SEMG2: variants seen among roughly 807,000 people sequenced by gnomAD.
SEMG2 encodes semenogelin-2.
A neutral mutation model predicts 8.1 loss-of-function variants in SEMG2; 3 were observed. The ratio of observed to expected loss-of-function variants is 0.37; its 90% CI spans 0.17 to 0.96. SEMG2 has a LOEUF of 0.96. Ranked by LOEUF, SEMG2 falls within the 40% of genes least tolerant of loss-of-function variation. The pLI, the probability that SEMG2 is intolerant of heterozygous loss-of-function variation, is 0.41. For synonymous variants in SEMG2, 252 were observed against 231.4 expected, an observed-to-expected ratio of 1.09 and a Z score of -0.81; for missense variants, 726 against 671.2, an observed-to-expected ratio of 1.08 and a Z score of -0.90.
At chr20:45,221,643 G>T (rs566323029) in intron 1 of SEMG2, 66 bp from the exon 2 acceptor site, 39 of 1,428,708 alleles carry the variant, frequency 2.7e-5, no homozygotes, top group Non-Finnish European at 3.4e-5. Flanking sequence ...GGAAAAGGTG[G>T]GAGGTAAGAG....
intron 1 of SEMG2, 81 bp downstream of exon 1, chr20:45,221,546 T>C (rs1171156693): frequency 2.6e-6 from 4 of 1,512,280 alleles, no homozygotes; most frequent in Non-Finnish European, 3.6e-6. Flanking sequence ...AACAGTAACC[T>C]GTTCAGGCAC....
In SEMG2 at chr20:45,222,376, T is replaced by A; in HGVS notation, c.744T>A (p.His248Gln). 6.2e-7 allele frequency: 1 copy of A among 1,614,118 alleles called. No individual in the cohort carries two copies. Residue 248 changes from histidine to glutamine, a missense_variant, in exon 2 of 3, where the codon CAT (histidine) becomes CAA (glutamine). Physicochemically the swap from His to Gln is conservative, Grantham distance 24 (BLOSUM62 0). Coordinates refer to ENST00000372769, the MANE Select transcript of SEMG2 (RefSeq NM_003008.3). Reference protein sequence around the residue: ...LHPAHQDRLQHGPKDIFTTQD... With the variant: ...LHPAHQDRLQQGPKDIFTTQD... ...CTGCACATCAAGACAGACTCCAACA[T>A]GGACCCAAAGACATTTTTACTACCC... is the stretch of plus-strand genomic sequence containing the variant.
At chr20:45,223,544 G>A (rs968164578) in intron 2 of SEMG2, 119 bp downstream of exon 2, 5 of 518,632 alleles carry the variant, frequency 9.6e-6, no homozygotes, top group African/African-American at 5.8e-5. Context: ...TATTACAAGT[G>A]GTGGGAAGAT....
In SEMG2 at chr20:45,223,324, C is replaced by A; in HGVS notation, c.1692C>A (p.Ala564=). The change falls in exon 2 of 3, where the codon GCC becomes GCA. Residue 564 remains alanine, a synonymous_variant. Transcript: ENST00000372769. The part of the protein sequence containing the change: ...HNIVITEHEV[A]QDDHLTQQYN... The stretch of plus-strand genomic sequence containing the variant: ...TTGTAATTACTGAGCATGAGGTTGC[C>A]CAAGATGATCATTTGACACAACAAT... 1 of 1,613,948 alleles carries A rather than the reference C, an allele frequency of 6.2e-7. No individual in the cohort carries two copies. Among genetic ancestry groups the A allele is most frequent in the Non-Finnish European group, 8.5e-7 (1 of 1,179,914 alleles).
intron 2 of SEMG2, among the ~76,000 whole-genome samples, chr20:45,223,802 A>T (rs6032059): frequency 0.15 from 22,474 of 152,210 alleles, 1,812 homozygotes; most frequent in Middle Eastern, 0.23. Context: ...TATAGTATGA[A>T]ATATTACAGC....
Position 45,222,539 on chromosome 20 carries a change from A to G in SEMG2, c.907A>G (p.Lys303Glu), listed in dbSNP as rs1984045448. The G allele has an allele frequency of 5.0e-6, 8 of 1,614,170 alleles. No individual in the cohort carries two copies. The highest frequency in any genetic ancestry group is 6.8e-6 in the Non-Finnish European group (8 of 1,180,020). Reference sequence around the variant, plus strand: ...AGAAAGACAACTTCACCATGGAGAAAAGAGTGTACAGAAAGATGTATCCAA... The same window carrying G: ...AGAAAGACAACTTCACCATGGAGAAGAGAGTGTACAGAAAGATGTATCCAA... ...TEERQLHHGE[K>E]SVQKDVSKGS... is the part of the protein sequence containing the mutation. Residue 303 changes from lysine (K) to glutamate (E), a missense_variant, in exon 2 of 3, where the codon AAG becomes GAG. Coordinates refer to ENST00000372769, the MANE Select transcript of SEMG2 (RefSeq NM_003008.3).
At position 45,221,603 on chromosome 20, in the gene SEMG2, T is replaced by G. The variant is rs570069144; in HGVS notation, c.77-106T>G. 67 of 1,394,216 alleles carry G rather than the reference T, an allele frequency of 4.8e-5. No individual in the cohort carries two copies. In the African/African-American group the frequency reaches 9.1e-4, roughly 19 times the overall value. 86.4% of individuals were successfully genotyped at this position (1,394,216 alleles called of 1,614,324 possible). Reference sequence around the variant, plus strand: ...ATTGATTTTTCTCCACCCAACGCTGTAGGCTTTTGGAAATATCAGAAATTT... The same window carrying G: ...ATTGATTTTTCTCCACCCAACGCTGGAGGCTTTTGGAAATATCAGAAATTT... On this transcript the variant is annotated intron_variant, in intron 1 of 2. Coordinates refer to ENST00000372769, the MANE Select transcript of SEMG2 (RefSeq NM_003008.3).
Position 45,222,741 on chromosome 20 carries a change from C to A in SEMG2, c.1109C>A (p.Ser370Tyr). Residue 370 changes from serine (S) to tyrosine (Y), a missense_variant, in exon 2 of 3, where the codon TCC becomes TAC. Ser to Tyr is a moderately radical substitution (Grantham distance 144, BLOSUM62 -2). Coordinates refer to ENST00000372769, the MANE Select transcript of SEMG2 (RefSeq NM_003008.3). ...CGEKGIQKGVSKGSISIQTEE... is the reference protein window; with the variant it reads ...CGEKGIQKGVYKGSISIQTEE... ...GAAAAGGGCATCCAGAAAGGTGTAT[C>A]CAAAGGCAGTATTTCGATCCAAACT... 6.2e-7 allele frequency: 1 copy of A among 1,613,638 alleles called. No homozygotes were observed.
At chr20:45,224,045 G>A (rs969495544) in intron 2 of SEMG2, among the ~76,000 whole-genome samples, 2 of 152,212 alleles carry the variant, frequency 1.3e-5, no homozygotes, top group Non-Finnish European at 2.9e-5. Flanking sequence ...GCAATGTCAG[G>A]AGAGGAAAAT....
Position 45,222,735 on chromosome 20 carries a change from G to A in SEMG2, c.1103G>A (p.Gly368Asp), listed in dbSNP as rs1984051378. The part of the protein sequence containing the change: ...LNCGEKGIQK[G>D]VSKGSISIQT... ...TGTGGAGAAAAGGGCATCCAGAAAG[G>A]TGTATCCAAAGGCAGTATTTCGATC... is the stretch of plus-strand genomic sequence containing the variant. Residue 368 changes from glycine to aspartate, a missense_variant, in exon 2 of 3, where the codon GGT becomes GAT. Transcript: ENST00000372769. The A allele has an allele frequency of 6.2e-7, 1 of 1,610,638 alleles. No homozygotes were observed. Among genetic ancestry groups the A allele is most frequent in the Non-Finnish European group, 8.5e-7 (1 of 1,178,942 alleles).
Position 45,223,061 on chromosome 20 carries a change from C to T in SEMG2, c.1429C>T (p.Arg477Ter), listed in dbSNP as rs546357756. The T allele has an allele frequency of 2.7e-5, 43 of 1,614,094 alleles. No homozygotes were observed. Among genetic ancestry groups the T allele is most frequent in the South Asian group, 9.9e-5 (9 of 91,076 alleles). ...SYQSSSTEER[R>*]LNYGGKSTQK... ...CCAATCTTCAAGTACAGAAGAAAGA[C>T]GACTCAACTATGGAGGAAAGAGCAC... The change falls in exon 2 of 3, where the codon CGA becomes TGA. Residue 477 changes from arginine (R) to a stop codon, truncating the protein, a stop_gained. Transcript: ENST00000372769. LOFTEE classifies it low-confidence loss of function (END_TRUNC).
chr20:45,223,602 C>T (rs6104069), intron 2 of SEMG2, among the ~76,000 whole-genome samples, 177 bp downstream of exon 2: 1 of 152,050 alleles, frequency 6.6e-6, no homozygotes, highest in East Asian at 1.9e-4. Flanking sequence ...GCAGGGAAGG[C>T]TGCTTGGACT....
Position 45,222,722 on chromosome 20 carries a change from G to T in SEMG2, c.1090G>T (p.Gly364Cys). The change falls in exon 2 of 3, where the codon GGC becomes TGC. Residue 364 changes from glycine to cysteine, a missense_variant. Transcript: ENST00000372769. ...AAGACATCTCAACTGTGGAGAAAAGGGCATCCAGAAAGGTGTATCCAAAGG... is the reference window on the plus strand; with the variant it reads ...AAGACATCTCAACTGTGGAGAAAAGTGCATCCAGAAAGGTGTATCCAAAGG... ...EERHLNCGEK[G>C]IQKGVSKGSI... 2 of 1,607,808 alleles carry T rather than the reference G, an allele frequency of 1.2e-6. No individual in the cohort carries two copies. The highest frequency in any genetic ancestry group is 1.7e-6 in the Non-Finnish European group (2 of 1,178,010).
At position 45,222,660 on chromosome 20, in the gene SEMG2, A is replaced by C. The variant is rs1406681567; in HGVS notation, c.1028A>C (p.Glu343Ala). ...CAAGATCAAGAGCATGGCCATAAGG[A>C]AAATAAAATATCATACCAATCTTCA... ...HSQDQEHGHK[E>A]NKISYQSSST... is the part of the protein sequence containing the mutation. Residue 343 changes from glutamate to alanine, a missense_variant, in exon 2 of 3, where the codon GAA becomes GCA. Physicochemically the swap from Glu to Ala is moderately radical, Grantham distance 107. Transcript: ENST00000372769. The C allele has an allele frequency of 8.7e-6, 14 of 1,613,784 alleles. No individual in the cohort carries two copies. Among genetic ancestry groups the C allele is most frequent in the Non-Finnish European group, 5.1e-6 (6 of 1,179,922 alleles).
rs41303937 is a variant in SEMG2 at position 45,221,431 on chromosome 20, C to T, written c.42C>T (p.Ile14=). 6.5e-3 allele frequency: 10,511 copies of T among 1,614,076 alleles called. 78 individuals are homozygous for T. The highest frequency in any genetic ancestry group is 6.3e-3 in the Non-Finnish European group (7,487 of 1,179,968). The change falls in exon 1 of 3, where the codon ATC becomes ATT. Residue 14 remains isoleucine (I), a synonymous_variant. Coordinates refer to ENST00000372769, the MANE Select transcript of SEMG2 (RefSeq NM_003008.3). ...TCTTTGTCCTTTCCCTGCTCCTTAT[C>T]TTGGAGAAGCAAGCAGCTGTGATGG... is the stretch of plus-strand genomic sequence containing the variant. ...IILFVLSLLL[I]LEKQAAVMGQ...
rs1244653183 is a variant in SEMG2, at chr20:45,222,651, G to A, written c.1019G>A (p.Gly340Asp). ...ATTCATAGTCAAGATCAAGAGCATG[G>A]CCATAAGGAAAATAAAATATCATAC... Reference protein sequence around the residue: ...VTIHSQDQEHGHKENKISYQS... With the variant: ...VTIHSQDQEHDHKENKISYQS... Residue 340 changes from glycine to aspartate, a missense_variant, in exon 2 of 3, where the codon GGC (glycine) becomes GAC (aspartate). Gly to Asp is a moderately conservative substitution (Grantham distance 94, BLOSUM62 -1). Coordinates refer to ENST00000372769, the MANE Select transcript of SEMG2 (RefSeq NM_003008.3). 1 of 1,613,794 alleles carries A rather than the reference G, an allele frequency of 6.2e-7. No individual in the cohort carries two copies. Among genetic ancestry groups the A allele is most frequent in the East Asian group, 2.2e-5 (1 of 44,858 alleles).
chr20:45,222,748 CAG>C lies in SEMG2; in HGVS notation c.1117_1118del (p.Ser373TyrfsTer6), dbSNP rs1337567253. On this transcript the variant is annotated frameshift_variant, in exon 2 of 3. Transcript: ENST00000372769. LOFTEE classifies it low-confidence loss of function (END_TRUNC). The stretch of plus-strand genomic sequence containing the variant: ...GCATCCAGAAAGGTGTATCCAAAGG[CAG>C]TATTTCGATCCAAACTGAAGAGCAA... Reference protein sequence around the residue: ...KGIQKGVSKGSISIQTEEQIH... With the variant: ...KGIQKGVSKGXISIQTEEQIH... 6.2e-7 allele frequency: 1 copy of C among 1,613,896 alleles called. No homozygotes were observed. The highest frequency in any genetic ancestry group is 1.3e-5 in the African/African-American group (1 of 74,886).
Position 45,222,500 on chromosome 20 carries a change from T to C in SEMG2, c.868T>C (p.Ser290Pro). The change falls in exon 2 of 3, where the codon TCT becomes CCT. Residue 290 changes from serine to proline, a missense_variant. Transcript: ENST00000372769. ...GAAGGCACATAAAATATCATACCCG[T>C]CTTCACGTACAGAAGAAAGACAACT... is the stretch of plus-strand genomic sequence containing the variant. Reference protein sequence around the residue: ...GRKAHKISYPSSRTEERQLHH... With the variant: ...GRKAHKISYPPSRTEERQLHH... The C allele has an allele frequency of 6.2e-7, 1 of 1,613,940 alleles. No individual in the cohort carries two copies. The highest frequency in any genetic ancestry group is 1.1e-5 in the South Asian group (1 of 91,034).
Position 45,222,390 on chromosome 20 carries a change from T to G in SEMG2, c.758T>G (p.Ile253Ser). The G allele has an allele frequency of 6.2e-7, 1 of 1,614,104 alleles. No individual in the cohort carries two copies. The highest frequency in any genetic ancestry group is 8.5e-7 in the Non-Finnish European group (1 of 1,180,004). ...QDRLQHGPKDIFTTQDELLVY... is the reference protein window; with the variant it reads ...QDRLQHGPKDSFTTQDELLVY... The stretch of plus-strand genomic sequence containing the variant: ...AGACTCCAACATGGACCCAAAGACA[T>G]TTTTACTACCCAAGATGAGCTCCTA... The change falls in exon 2 of 3, where the codon ATT (isoleucine) becomes AGT (serine). Residue 253 changes from isoleucine to serine, a missense_variant. Physicochemically the swap from Ile to Ser is moderately radical, Grantham distance 142 (BLOSUM62 -2). Coordinates refer to ENST00000372769, the MANE Select transcript of SEMG2 (RefSeq NM_003008.3).
Sources: gnomAD v4.1 joint callset for allele counts (sites outside exome capture counted in the v4.1 genomes callset) on GRCh38, gnomAD v4.1.1 for gene constraint, MANE v1.5 for transcripts, NCBI Gene and HGNC (gene_info 2026-07-23, HGNC 2026-07-21) for gene names.